PCDHGB6: variants seen among roughly 807,000 people sequenced by gnomAD.
PCDHGB6 encodes the protein protocadherin gamma subfamily B, 6.
In PCDHGB6, 51 loss-of-function variants were observed where a neutral mutation model predicts 59.1. The observed-to-expected ratio is 0.86, with a 90% confidence interval of 0.69 to 1.09. The LOEUF is 1.09. Among genes scored for constraint, PCDHGB6 ranks in the 50% least tolerant of loss-of-function variants. The pLI is 0.00. For synonymous variants in PCDHGB6, 466 were observed against 495.1 expected, an observed-to-expected ratio of 0.94 and a Z score of 0.78; for missense variants, 1,148 against 1,205.1, an observed-to-expected ratio of 0.95 and a Z score of 0.70.
At chr5:141,498,352 C>T (rs1439698389) in intron 2 of PCDHGB6, among the ~76,000 whole-genome samples, 1 of 151,772 alleles carries the variant, frequency 6.6e-6, no homozygotes, top group Non-Finnish European at 1.5e-5. Flanking sequence ...AAAGCCTATG[C>T]AAAAGCCTTG....
rs1425448852 is a variant in PCDHGB6, at chr5:141,493,717, C to T, written c.2419-1090C>T. Among the ~76,000 whole-genome samples the T allele has an allele frequency of 1.3e-5, 2 of 152,208 alleles. No individual in the cohort carries two copies. The highest frequency in any genetic ancestry group is 3.8e-4 in the East Asian group (2 of 5,202). On this transcript the variant is annotated intron_variant, in intron 1 of 3. Coordinates refer to ENST00000520790, the MANE Select transcript of PCDHGB6 (RefSeq NM_018926.3). This position sits in a 1 kb window ranked among gnomAD's most constrained non-coding sequence, Gnocchi z 4.3. ...CCGATACACCTGGAATGCTAGGTTT[C>T]TGGGTTCTGCTCATATCACTGCCAC...
chr5:141,421,227 C>T (rs1387397967), intron 1 of PCDHGB6: 1 of 1,587,020 alleles, frequency 6.3e-7, no homozygotes, highest in Non-Finnish European at 8.6e-7. Context: ...TAGAGCCTGC[C>T]ATGGCGAATC....
chr5:141,410,320 C>G lies in PCDHGB6; in HGVS notation c.2118C>G (p.Ala706=), dbSNP rs752279818. ...LALISVLFLL[A]VILAIALRLR... is the part of the protein sequence containing the mutation. ...TAATCTCAGTGCTCTTCCTCCTCGC[C>G]GTGATTCTGGCCATTGCCTTGCGCC... is the stretch of plus-strand genomic sequence containing the variant. The change falls in exon 1 of 4, where the codon GCC becomes GCG. Residue 706 remains alanine, a synonymous_variant. Transcript: ENST00000520790. 8.1e-6 allele frequency: 13 copies of G among 1,613,880 alleles called. No homozygotes were observed. The highest frequency in any genetic ancestry group is 2.7e-5 in the African/African-American group (2 of 74,938).
At position 141,491,583 on chromosome 5, in the gene PCDHGB6, C is replaced by T; in HGVS notation, c.2419-3224C>T. On this transcript the variant is annotated intron_variant, in intron 1 of 3. Transcript: ENST00000520790. The surrounding 1 kb of genome is among the most constrained non-coding windows in gnomAD (Gnocchi z 6.9). ...GCTACAGGACGTGCTTTTCACCGGC[C>T]TCGGACGGCAGTGACTTCACTTTTC... 1 of 1,613,964 alleles carries T rather than the reference C, an allele frequency of 6.2e-7. No individual in the cohort carries two copies. Among genetic ancestry groups the T allele is most frequent in the African/African-American group, 1.3e-5 (1 of 75,032 alleles).
intron 1 of PCDHGB6, among the ~76,000 whole-genome samples, chr5:141,425,417 G>A (rs1238708306): frequency 2.0e-5 from 3 of 152,162 alleles, no homozygotes; most frequent in East Asian, 3.9e-4. Context: ...ATAACATATA[G>A]TCCCATTAAA....
At chr5:141,501,926 C>T (rs1388315216) in intron 2 of PCDHGB6, among the ~76,000 whole-genome samples, 1 of 152,126 alleles carries the variant, frequency 6.6e-6, no homozygotes, top group African/African-American at 2.4e-5. Flanking sequence ...AGCTTTGTTC[C>T]CTCAACACCA....
At chr5:141,479,391 T>G (rs2099494461) in intron 1 of PCDHGB6, 1 of 152,266 alleles carries the variant, frequency 6.6e-6, no homozygotes, top group Non-Finnish European at 1.5e-5. Flanking sequence ...AGCCCAGGAG[T>G]TCTGGGCTGT....
Position 141,476,351 on chromosome 5 carries a change from G to C in PCDHGB6, c.2419-18456G>C. On this transcript the variant is annotated intron_variant, in intron 1 of 3. Transcript: ENST00000520790. This position sits in a 1 kb window ranked among gnomAD's most constrained non-coding sequence, Gnocchi z 7.6. ...TGGAGCTAGCCGAAGATTCTTTGAG[G>C]TGAACCGGGAGACCGGAGAGATGTT... 3 of 1,614,182 alleles carry C rather than the reference G, an allele frequency of 1.9e-6. No homozygotes were observed. Among genetic ancestry groups the C allele is most frequent in the Non-Finnish European group, 2.5e-6 (3 of 1,180,046 alleles).
rs79464787 is a variant in PCDHGB6, at chr5:141,480,455, T to C, written c.2419-14352T>C. Among the ~76,000 whole-genome samples the C allele has an allele frequency of 7.4e-3, 1,134 of 152,274 alleles. 17 individuals are homozygous for C. The highest frequency in any genetic ancestry group is 0.026 in the African/African-American group (1,086 of 41,548). ...CAGCTATTACTATAATTATTTTTAT[T>C]AGTTCCTCACTCACCTAAAATCTCA... On this transcript the variant is annotated intron_variant, in intron 1 of 3. Transcript: ENST00000520790.
At position 141,490,169 on chromosome 5, in the gene PCDHGB6, T is replaced by C; in HGVS notation, c.2419-4638T>C. ...ATCCATGTGTTGGGTCCCATAGACT[T>C]TGAGGAGTCACGTTTCTATGAAATT... On this transcript the variant is annotated intron_variant, in intron 1 of 3. Transcript: ENST00000520790. This position sits in a 1 kb window ranked among gnomAD's most constrained non-coding sequence, Gnocchi z 5.4. 6.2e-7 allele frequency: 1 copy of C among 1,614,190 alleles called. No individual in the cohort carries two copies. The highest frequency in any genetic ancestry group is 8.5e-7 in the Non-Finnish European group (1 of 1,180,018).
chr5:141,510,435 C>T (rs938448523), intron 3 of PCDHGB6, among the ~76,000 whole-genome samples: 2 of 152,108 alleles, frequency 1.3e-5, no homozygotes, highest in Non-Finnish European at 2.9e-5. Context: ...ATGGCTGCTG[C>T]CCTCCAGGAG....
chr5:141,451,007 T>A (rs2098704118), intron 1 of PCDHGB6, among the ~76,000 whole-genome samples: 1 of 151,594 alleles, frequency 6.6e-6, no homozygotes, highest in Non-Finnish European at 1.5e-5. Flanking sequence ...TTGTATTTTT[T>A]TTAGTAGAGA....
rs543209695 is a variant in PCDHGB6, at chr5:141,431,563, C to A, written c.2418+20943C>A. The stretch of plus-strand genomic sequence containing the variant: ...AGCTGCTTGTAGTCAACGCTACCGA[C>A]CCTGACGAAGGAGTCAATGCGGAAG... On this transcript the variant is annotated intron_variant, in intron 1 of 3. Coordinates refer to ENST00000520790, the MANE Select transcript of PCDHGB6 (RefSeq NM_018926.3). The surrounding 1 kb of genome is among the most constrained non-coding windows in gnomAD (Gnocchi z 4.8). 1.2e-6 allele frequency: 2 copies of A among 1,614,144 alleles called. No individual in the cohort carries two copies. The highest frequency in any genetic ancestry group is 2.7e-5 in the African/African-American group (2 of 75,072).
Position 141,431,559 on chromosome 5 carries a change from C to A in PCDHGB6, c.2418+20939C>A. On this transcript the variant is annotated intron_variant, in intron 1 of 3. Coordinates refer to ENST00000520790, the MANE Select transcript of PCDHGB6 (RefSeq NM_018926.3). The surrounding 1 kb of genome is among the most constrained non-coding windows in gnomAD (Gnocchi z 4.8). ...ACGCAGCTGCTTGTAGTCAACGCTA[C>A]CGACCCTGACGAAGGAGTCAATGCG... is the stretch of plus-strand genomic sequence containing the variant. 6.2e-7 allele frequency: 1 copy of A among 1,614,158 alleles called. No homozygotes were observed. The highest frequency in any genetic ancestry group is 8.5e-7 in the Non-Finnish European group (1 of 1,180,030).
chr5:141,420,519 A>G (rs1056198647), intron 1 of PCDHGB6: 1 of 387,066 alleles, frequency 2.6e-6, no homozygotes, highest in African/African-American at 2.1e-5. Flanking sequence ...GAAGTAAAAT[A>G]CCTTTCGGTT....
intron 1 of PCDHGB6, among the ~76,000 whole-genome samples, chr5:141,425,699 G>A (rs535043616): frequency 6.6e-6 from 1 of 152,260 alleles, no homozygotes; most frequent in Non-Finnish European, 1.5e-5. Context: ...ATTTCATAGT[G>A]GTCAAAATTT....
At chr5:141,482,675 A>G (rs1258898440) in intron 1 of PCDHGB6, among the ~76,000 whole-genome samples, 1 of 149,114 alleles carries the variant, frequency 6.7e-6, no homozygotes, top group African/African-American at 2.5e-5. Context: ...AAGGTTGAGT[A>G]GTAGCTTGTC....
intron 1 of PCDHGB6, chr5:141,415,055 C>T (rs767474996): frequency 6.2e-7 from 1 of 1,613,400 alleles, no homozygotes; most frequent in African/African-American, 1.3e-5. Flanking sequence ...GGGGAGCACA[C>T]GGGCGAGGTG....
chr5:141,469,376 A>T (rs572466149), intron 1 of PCDHGB6, among the ~76,000 whole-genome samples: 1 of 152,232 alleles, frequency 6.6e-6, no homozygotes, highest in East Asian at 1.9e-4. Flanking sequence ...AGAGATCGAG[A>T]CCATCCTGGC....
Sources: gnomAD v4.1 joint callset for allele counts (sites outside exome capture counted in the v4.1 genomes callset) on GRCh38, gnomAD v4.1.1 for gene constraint, Gnocchi (gnomAD v3.1) non-coding constraint, MANE v1.5 for transcripts, NCBI Gene and HGNC (gene_info 2026-07-23, HGNC 2026-07-21) for gene names.